NALF1: variants seen among roughly 807,000 people sequenced by gnomAD.
NALF1 encodes the protein family with sequence similarity 155 member A.
NALF1 carries 3 observed loss-of-function variants against 48.4 expected under a neutral mutation model. The ratio of observed to expected loss-of-function variants is 0.06; its 90% CI spans 0.03 to 0.16. The LOEUF is 0.16. Ranked by LOEUF, NALF1 falls within the 10% of genes least tolerant of loss-of-function variation. The probability of loss-of-function intolerance (pLI) is 1.00; values close to 1 mark genes in which losing one functional copy is unlikely to be tolerated. For missense variants in NALF1, 526 were observed against 571.5 expected (o/e 0.92, Z 0.81); for synonymous variants, 262 against 245.7 (o/e 1.07, Z -0.62).
chr13:107,416,987 C>T (rs116190480), intron 1 of NALF1, among the ~76,000 whole-genome samples: 239 of 152,320 alleles, frequency 1.6e-3, no homozygotes, highest in African/African-American at 5.4e-3. Context: ...GTTCCCATCA[C>T]ACTGATGCTC....
rs535927780 is a variant in NALF1, at chr13:107,564,326, A to C, written c.915+301356T>G. ...GAGAGACACAGATTGATTTACCAAA[A>C]ATCTTATTCCCTCATATTGGGAAAC... On this transcript the variant is annotated intron_variant, in intron 1 of 2. Transcript: ENST00000375915. Among the ~76,000 whole-genome samples, 4 of 152,310 alleles carry C rather than the reference A, an allele frequency of 2.6e-5. No individual in the cohort carries two copies. In the East Asian group the frequency reaches 7.7e-4, roughly 29 times the overall value.
At chr13:107,599,597 C>A (rs1335530944) in intron 1 of NALF1, among the ~76,000 whole-genome samples, 1 of 152,084 alleles carries the variant, frequency 6.6e-6, no homozygotes, top group Admixed American at 6.6e-5. Flanking sequence ...TTTTGTAAAT[C>A]TAATGAGCAT....
At chr13:107,617,260 T>C (rs530801930) in intron 1 of NALF1, among the ~76,000 whole-genome samples, 5 of 152,132 alleles carry the variant, frequency 3.3e-5, no homozygotes, top group Non-Finnish European at 4.4e-5. Context: ...CTCTAGGACA[T>C]GGGGCCCTGT....
intron 1 of NALF1, among the ~76,000 whole-genome samples, chr13:107,754,997 T>C (rs1877053590): frequency 6.6e-6 from 1 of 152,224 alleles, no homozygotes; most frequent in African/African-American, 2.4e-5. Flanking sequence ...TTGTATGTGG[T>C]AGTAATCCTG....
chr13:107,556,965 A>G (rs1484326651), intron 1 of NALF1, among the ~76,000 whole-genome samples: 2 of 152,198 alleles, frequency 1.3e-5, no homozygotes, highest in Admixed American at 6.5e-5. Context: ...AGTGTATTCA[A>G]TACTACACAA....
intron 1 of NALF1, among the ~76,000 whole-genome samples, chr13:107,824,752 T>C (rs1879462057): frequency 6.6e-6 from 1 of 152,198 alleles, no homozygotes; most frequent in African/African-American, 2.4e-5. Flanking sequence ...GTGCAGCTTG[T>C]TTTTGATGAG....
intron 1 of NALF1, among the ~76,000 whole-genome samples, chr13:107,488,158 C>A (rs1885359359): frequency 1.3e-5 from 2 of 148,508 alleles, no homozygotes; most frequent in African/African-American, 5.0e-5. Context: ...AATCTTCTTT[C>A]TTTTCTTATT....
intron 1 of NALF1, among the ~76,000 whole-genome samples, chr13:107,308,243 C>A (rs190646992): frequency 1.1e-4 from 16 of 145,198 alleles, no homozygotes; most frequent in African/African-American, 3.8e-4. Flanking sequence ...ACTCTGTCGC[C>A]CAGGCTGGAG....
intron 1 of NALF1, among the ~76,000 whole-genome samples, chr13:107,490,248 G>T (rs563970528): frequency 1.3e-5 from 2 of 152,066 alleles, no homozygotes; most frequent in East Asian, 3.9e-4. Context: ...AATACAAGTC[G>T]TTCTATTACA....
intron 2 of NALF1, among the ~76,000 whole-genome samples, chr13:107,173,858 G>A (rs948017176): frequency 6.6e-6 from 1 of 152,190 alleles, no homozygotes; most frequent in Non-Finnish European, 1.5e-5. Flanking sequence ...ATGTTTGGCT[G>A]TTGGACCTTC....
chr13:107,235,353 T>C (rs1880319801), intron 1 of NALF1, among the ~76,000 whole-genome samples: 2 of 152,194 alleles, frequency 1.3e-5, no homozygotes, highest in African/African-American at 4.8e-5. Context: ...TACTTTTCTT[T>C]TTTTTTAAAA....
chr13:107,670,327 C>T (rs1294450391), intron 1 of NALF1, among the ~76,000 whole-genome samples: 2 of 152,068 alleles, frequency 1.3e-5, no homozygotes, highest in African/African-American at 4.8e-5. Context: ...CAGGCACACA[C>T]ATACAAGAAC....
intron 2 of NALF1, among the ~76,000 whole-genome samples, chr13:107,182,352 A>T (rs1271695732): frequency 6.6e-6 from 1 of 151,798 alleles, no homozygotes; most frequent in African/African-American, 2.4e-5. Flanking sequence ...CTCACACTGC[A>T]GCCTTTAGCT....
chr13:107,619,695 G>A (rs1432387036), intron 1 of NALF1, among the ~76,000 whole-genome samples: 1 of 152,152 alleles, frequency 6.6e-6, no homozygotes, highest in East Asian at 1.9e-4. Flanking sequence ...GAGGTACTTA[G>A]AAATCATCAA....
intron 1 of NALF1, among the ~76,000 whole-genome samples, chr13:107,795,839 C>T (rs947957347): frequency 6.6e-6 from 1 of 152,178 alleles, no homozygotes; most frequent in Non-Finnish European, 1.5e-5. Flanking sequence ...ATCTCAGTAG[C>T]ATTGTGTTAT....
intron 1 of NALF1, among the ~76,000 whole-genome samples, chr13:107,731,461 T>C (rs1400744483): frequency 6.6e-6 from 1 of 152,126 alleles, no homozygotes; most frequent in East Asian, 1.9e-4. Context: ...GGTAAACTTG[T>C]ATCAGAGGGG....
intron 1 of NALF1, among the ~76,000 whole-genome samples, chr13:107,417,601 T>C (rs1165469692): frequency 6.6e-6 from 1 of 152,186 alleles, no homozygotes; most frequent in Non-Finnish European, 1.5e-5. Context: ...AAGGTGCTTA[T>C]TTCTCTATAA....
intron 1 of NALF1, among the ~76,000 whole-genome samples, chr13:107,837,250 T>A (rs1045888302): frequency 6.6e-6 from 1 of 152,154 alleles, no homozygotes; most frequent in Non-Finnish European, 1.5e-5. Context: ...AAGAAAATAT[T>A]GTAGTTGAAA....
At chr13:107,270,665 ATTTT>A (rs1199430018) in intron 1 of NALF1, among the ~76,000 whole-genome samples, 113 of 148,938 alleles carry the variant, frequency 7.6e-4, no homozygotes, top group South Asian at 1.5e-3. Flanking sequence ...ATATATATAT[ATTTT>A]TATTATTATT....
Sources: gnomAD v4.1 joint callset for allele counts (sites outside exome capture counted in the v4.1 genomes callset) on GRCh38, gnomAD v4.1.1 for gene constraint, MANE v1.5 for transcripts, NCBI Gene and HGNC (gene_info 2026-07-23, HGNC 2026-07-21) for gene names.